The following SH3GL3 variants were observed in gnomAD, a reference collection of about 807,000 sequenced individuals.
The protein encoded by SH3GL3 is endophilin-A3.
Under a neutral mutation model 47.7 loss-of-function variants are expected in SH3GL3, and 33 were observed. The ratio of observed to expected loss-of-function variants is 0.69; its 90% CI spans 0.52 to 0.92. The LOEUF is 0.92. Ranked by LOEUF, SH3GL3 falls within the 40% of genes least tolerant of loss-of-function variation. SH3GL3 has a pLI of 0.00. For missense variants in SH3GL3, 363 were observed against 417.8 expected (o/e 0.87, Z 1.14); for synonymous variants, 155 against 148.8 (o/e 1.04, Z -0.30).
intron 1 of SH3GL3, among the ~76,000 whole-genome samples, chr15:83,481,106 T>C (rs1839520087): frequency 6.6e-6 from 1 of 152,016 alleles, no homozygotes; most frequent in South Asian, 2.1e-4. Flanking sequence ...CGAAACTTCC[T>C]CTCTACTGAA....
chr15:83,585,462 C>T (rs1000857024), intron 6 of SH3GL3, among the ~76,000 whole-genome samples: 5 of 151,956 alleles, frequency 3.3e-5, no homozygotes, highest in African/African-American at 1.2e-4. Context: ...GGTAATAAGA[C>T]AGGGCAAATA....
At chr15:83,575,023 C>T (rs1209442028) in intron 5 of SH3GL3, among the ~76,000 whole-genome samples, 5 of 152,152 alleles carry the variant, frequency 3.3e-5, no homozygotes, top group Non-Finnish European at 7.3e-5. Flanking sequence ...AAGCCTCCCA[C>T]GTGGTTTGTG....
At chr15:83,612,903 T>C (rs955044965) in intron 8 of SH3GL3, among the ~76,000 whole-genome samples, 1 of 152,216 alleles carries the variant, frequency 6.6e-6, no homozygotes, top group Non-Finnish European at 1.5e-5. Context: ...GGCTCTAGCA[T>C]GAAAGCCTAA....
At chr15:83,520,456 C>T (rs1270548936) in intron 1 of SH3GL3, among the ~76,000 whole-genome samples, 1 of 152,140 alleles carries the variant, frequency 6.6e-6, no homozygotes, top group East Asian at 1.9e-4. Flanking sequence ...TAATTTCCGT[C>T]ATTTTCTATG....
At chr15:83,476,883 T>G (rs2041125812) in intron 1 of SH3GL3, among the ~76,000 whole-genome samples, 1 of 152,238 alleles carries the variant, frequency 6.6e-6, no homozygotes, top group Admixed American at 6.5e-5. Context: ...TCTGAAGCCC[T>G]GGATAGAACA....
chr15:83,633,183 A>G, the SH3GL3 span, among the ~76,000 whole-genome samples: 2 of 152,238 alleles, frequency 1.3e-5, no homozygotes, highest in Admixed American at 6.5e-5. Context: ...GGCAGGTTTT[A>G]AGGTGATTTG....
At chr15:83,624,491 GA>G in the SH3GL3 span, among the ~76,000 whole-genome samples, 2 of 152,184 alleles carry the variant, frequency 1.3e-5, no homozygotes, top group Non-Finnish European at 2.9e-5. Context: ...AGCTAACGGG[GA>G]CAAATATTAA....
intron 1 of SH3GL3, among the ~76,000 whole-genome samples, chr15:83,514,278 G>A (rs2042890821): frequency 6.6e-6 from 1 of 152,156 alleles, no homozygotes; most frequent in South Asian, 2.1e-4. Context: ...TGGCAATTCA[G>A]CCCTCTGTTT....
chr15:83,476,180 G>A (rs1244250880), intron 1 of SH3GL3, among the ~76,000 whole-genome samples: 1 of 152,132 alleles, frequency 6.6e-6, no homozygotes, highest in African/African-American at 2.4e-5. Context: ...ACGAAGGAGG[G>A]AATTGAGGCT....
intron 8 of SH3GL3, among the ~76,000 whole-genome samples, chr15:83,593,207 G>T (rs1274731010): frequency 6.6e-6 from 1 of 152,174 alleles, no homozygotes; most frequent in Non-Finnish European, 1.5e-5. Flanking sequence ...GAGTTTTAGA[G>T]ATCAAATTTT....
At chr15:83,593,379 AGT>A (rs1481892903) in intron 8 of SH3GL3, among the ~76,000 whole-genome samples, 1 of 152,206 alleles carries the variant, frequency 6.6e-6, no homozygotes, top group Non-Finnish European at 1.5e-5. Flanking sequence ...TTCTCTCAGC[AGT>A]GTTTCACTAT....
At chr15:83,462,811 G>A (rs1187479469) in intron 1 of SH3GL3, among the ~76,000 whole-genome samples, 1 of 152,178 alleles carries the variant, frequency 6.6e-6, no homozygotes, top group Non-Finnish European at 1.5e-5. Flanking sequence ...AAGCCTGAGA[G>A]CTTCTCCTTA....
At chr15:83,621,973 C>T (rs1170154638), downstream of SH3GL3, among the ~76,000 whole-genome samples, 3 of 142,082 alleles carry the variant, frequency 2.1e-5, no homozygotes, top group African/African-American at 8.4e-5. Flanking sequence ...TTCCCTCCAG[C>T]CAGCTATACA....
intron 2 of SH3GL3, among the ~76,000 whole-genome samples, chr15:83,560,605 C>T (rs2045216938): frequency 6.6e-6 from 1 of 152,130 alleles, no homozygotes; most frequent in Admixed American, 6.6e-5. Context: ...TTCTTGCTTA[C>T]CTCCTTTTAC....
At chr15:83,599,576 G>A (rs2060327575) in intron 8 of SH3GL3, among the ~76,000 whole-genome samples, 1 of 152,082 alleles carries the variant, frequency 6.6e-6, no homozygotes, top group Non-Finnish European at 1.5e-5. Context: ...ATATACCACA[G>A]TTTTTTTATC....
chr15:83,459,290 T>A (rs555852519), intron 1 of SH3GL3, among the ~76,000 whole-genome samples: 1 of 152,190 alleles, frequency 6.6e-6, no homozygotes, highest in Non-Finnish European at 1.5e-5. Flanking sequence ...AATGTTAATC[T>A]CCTTTAGCAA....
intron 1 of SH3GL3, among the ~76,000 whole-genome samples, chr15:83,529,868 C>T (rs2043592426): frequency 6.6e-6 from 1 of 152,154 alleles, no homozygotes; most frequent in Non-Finnish European, 1.5e-5. Context: ...CATGCTAGTG[C>T]ATAGTGGCCA....
chr15:83,476,728 A>G (rs2041116185), intron 1 of SH3GL3, among the ~76,000 whole-genome samples: 1 of 152,256 alleles, frequency 6.6e-6, no homozygotes, highest in Admixed American at 6.5e-5. Context: ...CTTTTGTATT[A>G]CAAGGGCAGA....
intron 1 of SH3GL3, among the ~76,000 whole-genome samples, chr15:83,495,627 C>T (rs1443131232): frequency 6.6e-6 from 1 of 152,124 alleles, no homozygotes; most frequent in African/African-American, 2.4e-5. Flanking sequence ...GTCCTAGCTA[C>T]TTGGGAGGCT....
Sources: gnomAD v4.1 joint callset for allele counts (sites outside exome capture counted in the v4.1 genomes callset) on GRCh38, gnomAD v4.1.1 for gene constraint, MANE v1.5 for transcripts, NCBI Gene and HGNC (gene_info 2026-07-23, HGNC 2026-07-21) for gene names.